The following ZNF438 variants were observed in gnomAD, a reference collection of about 807,000 sequenced individuals.
ZNF438 encodes the protein zinc finger protein 438.
In ZNF438, 25 loss-of-function variants were observed where a neutral mutation model predicts 38.0. The observed-to-expected ratio is 0.66, with a 90% CI of 0.48 to 0.92. The LOEUF is 0.92. ZNF438 is among the 40% of genes least tolerant of loss of function. The pLI is 0.00. For synonymous variants in ZNF438, 372 were observed against 364.1 expected (o/e 1.02, Z -0.25); for missense variants, 1,007 against 999.6 (o/e 1.01, Z -0.10).
chr10:30,849,041 G>A (rs764787282), exon 5 of ZNF438: 8 of 1,614,200 alleles, frequency 5.0e-6, no homozygotes, highest in Non-Finnish European at 6.8e-6. Context: ...GGACTGTAGT[G>A]TAGTTGGAGA....
chr10:30,956,823 T>C (rs80210611), intron 1 of ZNF438, among the ~76,000 whole-genome samples: 12,073 of 152,294 alleles, frequency 0.079, 574 homozygotes, highest in Non-Finnish European at 0.11. Context: ...ATCTTGGCTA[T>C]TGTAACTAGT....
At chr10:30,857,673 C>A in intron 4 of ZNF438, 1 of 1,506,132 alleles carries the variant, frequency 6.6e-7, no homozygotes, top group South Asian at 1.3e-5. Flanking sequence ...TTGAATTTGC[C>A]ACTTACTATC....
chr10:30,869,173 G>A (rs532932405), intron 4 of ZNF438, among the ~76,000 whole-genome samples: 1 of 152,298 alleles, frequency 6.6e-6, no homozygotes, highest in East Asian at 1.9e-4. Flanking sequence ...AGGAGTTTGA[G>A]ACCAGCCTGG....
At chr10:30,982,323 G>A (rs770160450) in intron 1 of ZNF438, among the ~76,000 whole-genome samples, 4 of 152,020 alleles carry the variant, frequency 2.6e-5, no homozygotes, top group African/African-American at 7.2e-5. Flanking sequence ...GGATGGTCTC[G>A]ATCTCCTGAC....
At position 30,860,518 on chromosome 10, in the gene ZNF438, C is replaced by T. The variant is rs74339905; in HGVS notation, c.38-10151G>A. The stretch of plus-strand genomic sequence containing the variant: ...GGGTGAAGAGGAAGTTTTCCTTTGC[C>T]TCTATGCTTGTAAATAATGAAACTG... On this transcript the variant is annotated intron_variant, in intron 4 of 5. Coordinates refer to ENST00000413025, the Ensembl canonical transcript of ZNF438. Among the ~76,000 whole-genome samples, 1,246 of 152,278 alleles carry T rather than the reference C, an allele frequency of 8.2e-3. 14 individuals carry two copies. Among genetic ancestry groups the T allele is most frequent in the African/African-American group, 0.028 (1,148 of 41,566 alleles).
chr10:30,998,533 A>G (rs1194627720), intron 1 of ZNF438, among the ~76,000 whole-genome samples: 2 of 105,662 alleles, frequency 1.9e-5, no homozygotes, highest in Non-Finnish European at 3.5e-5. Flanking sequence ...ACAGAGAGAG[A>G]CTGTCTCAAA....
chr10:30,917,787 T>G (rs1042647040), intron 2 of ZNF438, among the ~76,000 whole-genome samples: 1 of 152,186 alleles, frequency 6.6e-6, no homozygotes, highest in Non-Finnish European at 1.5e-5. Flanking sequence ...TATCTTTTGA[T>G]AAACACAAGT....
At position 30,959,093 on chromosome 10, in the gene ZNF438, T is replaced by G. The variant is rs764380080; in HGVS notation, c.-191-17442A>C. On this transcript the variant is annotated intron_variant, in intron 1 of 5. Transcript: ENST00000413025. Reference sequence around the variant, plus strand: ...CTTGGGCAGATTCCAAGAAGTGGAATTGCTGAGTTTATATGGCACAATGAT... The same window carrying G: ...CTTGGGCAGATTCCAAGAAGTGGAAGTGCTGAGTTTATATGGCACAATGAT... 2.0e-5 allele frequency among the ~76,000 whole-genome samples: 3 copies of G among 147,522 alleles called. 1 individual carries two copies. The highest frequency in any genetic ancestry group is 4.6e-5 in the Non-Finnish European group (3 of 65,030).
At chr10:30,982,316 T>C (rs1027157581) in intron 1 of ZNF438, among the ~76,000 whole-genome samples, 2 of 152,042 alleles carry the variant, frequency 1.3e-5, no homozygotes, top group African/African-American at 4.8e-5. Context: ...TTAGCCGGGA[T>C]GGTCTCGATC....
intron 1 of ZNF438, among the ~76,000 whole-genome samples, chr10:30,945,710 T>C (rs926305026): frequency 1.5e-5 from 2 of 134,208 alleles, no homozygotes; most frequent in Non-Finnish European, 3.1e-5. Context: ...ATTTCATCCA[T>C]GTCCCTACAA....
chr10:30,902,456 C>T (rs887142235), intron 3 of ZNF438, among the ~76,000 whole-genome samples: 2 of 152,122 alleles, frequency 1.3e-5, no homozygotes, highest in Non-Finnish European at 2.9e-5. Flanking sequence ...AATCCCTTAA[C>T]TAGACATAAA....
intron 1 of ZNF438, among the ~76,000 whole-genome samples, chr10:31,016,040 A>G (rs1386438539): frequency 6.6e-6 from 1 of 152,240 alleles, no homozygotes; most frequent in African/African-American, 2.4e-5. Flanking sequence ...TTGGGGGGAC[A>G]TAACTAGTCC....
At chr10:30,875,033 T>G (rs911360360) in intron 4 of ZNF438, among the ~76,000 whole-genome samples, 2 of 152,118 alleles carry the variant, frequency 1.3e-5, no homozygotes, top group African/African-American at 4.8e-5. Context: ...TGGAGGCACA[T>G]GATTGAGGTT....
intron 1 of ZNF438, among the ~76,000 whole-genome samples, chr10:31,010,010 G>A (rs918667488): frequency 1.4e-4 from 21 of 151,962 alleles, no homozygotes; most frequent in East Asian, 3.9e-4. Context: ...CATGACAACC[G>A]GCTAATTTTT....
chr10:30,930,851 T>TAAAAAAAAA (rs5784228), intron 2 of ZNF438, among the ~76,000 whole-genome samples: 2 of 129,178 alleles, frequency 1.5e-5, no homozygotes, highest in African/African-American at 3.0e-5. Context: ...GGTTCTTTCC[T>TAAAAAAAAA]AAAACCAGAA....
exon 4 of ZNF438, chr10:30,877,057 G>GT (rs1395841284): frequency 6.3e-7 from 1 of 1,591,750 alleles, no homozygotes; most frequent in South Asian, 1.2e-5. Context: ...GACTTGAATA[G>GT]TATCTTTCCT....
chr10:30,920,323 T>C (rs906386680), intron 2 of ZNF438: 2 of 152,192 alleles, frequency 1.3e-5, no homozygotes, highest in Non-Finnish European at 2.9e-5. Context: ...AGACACAGCA[T>C]ATTCAGGTAG....
intron 2 of ZNF438, among the ~76,000 whole-genome samples, chr10:30,928,664 T>C (rs898342292): frequency 6.6e-6 from 1 of 152,192 alleles, no homozygotes; most frequent in African/African-American, 2.4e-5. Flanking sequence ...TTTTTGACAT[T>C]TGTTTTGCCT....
At chr10:30,926,935 G>A (rs888053114) in intron 2 of ZNF438, among the ~76,000 whole-genome samples, 1 of 152,140 alleles carries the variant, frequency 6.6e-6, no homozygotes, top group African/African-American at 2.4e-5. Context: ...ATTTTCCGAT[G>A]GCCATACAAG....
Sources: gnomAD v4.1 joint callset for allele counts (sites outside exome capture counted in the v4.1 genomes callset) on GRCh38, gnomAD v4.1.1 for gene constraint, MANE v1.5 for transcripts, NCBI Gene and HGNC (gene_info 2026-07-23, HGNC 2026-07-21) for gene names.